Variants in DIP2B observed in about 807,000 individuals in gnomAD.
DIP2B encodes disco-interacting protein 2 homolog B.
DIP2B carries 76 observed loss-of-function variants against 198.0 expected under a neutral mutation model. That is an observed-to-expected ratio of 0.38 (90% confidence interval 0.32 to 0.46). The LOEUF (loss-of-function observed/expected upper bound fraction) is 0.46. Among genes scored for constraint, DIP2B ranks in the 20% least tolerant of loss-of-function variants. DIP2B has a pLI of 0.99. For synonymous variants in DIP2B, 701 were observed against 739.1 expected, an observed-to-expected ratio of 0.95 and a Z score of 0.84; for missense variants, 1,559 against 1,978.4, an observed-to-expected ratio of 0.79 and a Z score of 4.02.
At chr12:50,667,609 T>G (rs1938778506) in intron 4 of DIP2B, among the ~76,000 whole-genome samples, 1 of 152,212 alleles carries the variant, frequency 6.6e-6, no homozygotes, top group Non-Finnish European at 1.5e-5. Flanking sequence ...GTTTCTTATC[T>G]GTGACCATAG....
At chr12:50,666,685 T>C (rs1592117971) in intron 4 of DIP2B, among the ~76,000 whole-genome samples, 1 of 152,094 alleles carries the variant, frequency 6.6e-6, no homozygotes, top group East Asian at 1.9e-4. Flanking sequence ...GGGACTTGCA[T>C]CTTTAGCAGT....
intron 26 of DIP2B, among the ~76,000 whole-genome samples, chr12:50,722,390 A>G (rs1264512213): frequency 1.3e-5 from 2 of 151,562 alleles, no homozygotes; most frequent in African/African-American, 2.4e-5. Context: ...GGTAGCTGGG[A>G]TCACAGGCAC....
intron 4 of DIP2B, among the ~76,000 whole-genome samples, chr12:50,663,512 C>T (rs1265833786): frequency 6.6e-6 from 1 of 151,450 alleles, no homozygotes; most frequent in Non-Finnish European, 1.5e-5. Flanking sequence ...GCCGAGACCG[C>T]GCCACTGCAT....
chr12:50,636,672 A>G (rs1938165024), intron 2 of DIP2B, among the ~76,000 whole-genome samples: 2 of 152,206 alleles, frequency 1.3e-5, no homozygotes, highest in South Asian at 4.1e-4. Context: ...GTGACCAGCC[A>G]GTAATGCTGA....
chr12:50,641,437 A>T (rs1938255413), intron 3 of DIP2B, among the ~76,000 whole-genome samples: 1 of 152,350 alleles, frequency 6.6e-6, no homozygotes, highest in Middle Eastern at 3.4e-3. Context: ...CACAAAGGCC[A>T]TGTGAATAAA....
chr12:50,674,588 A>C lies in DIP2B; in HGVS notation c.755A>C (p.His252Pro), dbSNP rs765226242. The C allele has an allele frequency of 1.9e-6, 3 of 1,614,230 alleles. No individual in the cohort carries two copies. The Admixed American group carries it at 5.0e-5, about 27-fold the overall frequency. ...CCCTCGGGGATAGTTAAAGGCATGC[A>C]CAAAGGATCCAACAGGTCCAGCCTT... is the stretch of plus-strand genomic sequence containing the variant. ...LPPSGIVKGM[H>P]KGSNRSSLMD... is the part of the protein sequence containing the mutation. The change falls in exon 6 of 38, where the codon CAC (histidine) becomes CCC (proline). Residue 252 changes from histidine to proline, a missense_variant. Coordinates refer to ENST00000301180, the MANE Select transcript of DIP2B (RefSeq NM_173602.3).
intron 1 of DIP2B, among the ~76,000 whole-genome samples, chr12:50,584,578 C>A (rs1397250128): frequency 1.3e-5 from 2 of 152,052 alleles, no homozygotes; most frequent in East Asian, 1.9e-4. Flanking sequence ...TTTTATATTT[C>A]TTGGAGACAG....
intron 4 of DIP2B, among the ~76,000 whole-genome samples, chr12:50,667,634 AGT>A (rs1938779441): frequency 1.3e-5 from 2 of 152,192 alleles, no homozygotes; most frequent in Admixed American, 1.3e-4. Flanking sequence ...AGTTATTCAT[AGT>A]AAGCACCTCA....
chr12:50,519,448 A>G (rs921027557), intron 1 of DIP2B, among the ~76,000 whole-genome samples: 3 of 152,144 alleles, frequency 2.0e-5, no homozygotes, highest in Non-Finnish European at 4.4e-5. Flanking sequence ...GCATCTATAA[A>G]GTGAAAGGTA....
At chr12:50,674,330 A>G in intron 5 of DIP2B, 144 bp from the exon 6 acceptor site, 5 of 829,666 alleles carry the variant, frequency 6.0e-6, no homozygotes, top group East Asian at 2.7e-5. Flanking sequence ...TTGCTAATAG[A>G]TTCTGATTTT....
intron 23 of DIP2B, 120 bp downstream of exon 23, chr12:50,714,716 G>A: frequency 1.7e-6 from 2 of 1,191,426 alleles, no homozygotes; most frequent in East Asian, 2.5e-5. Flanking sequence ...AAGGTGGGAG[G>A]GTCGTGTGAG....
At chr12:50,562,073 A>G (rs981867632) in intron 1 of DIP2B, among the ~76,000 whole-genome samples, 1 of 152,214 alleles carries the variant, frequency 6.6e-6, no homozygotes, top group African/African-American at 2.4e-5. Context: ...TATCATTCAG[A>G]TATTTGAAAT....
At chr12:50,582,842 AT>A (rs1958737695) in intron 1 of DIP2B, among the ~76,000 whole-genome samples, 1 of 151,988 alleles carries the variant, frequency 6.6e-6, no homozygotes, top group South Asian at 2.1e-4. Context: ...TGGTATGCAC[AT>A]TTTTTTCTTT....
At chr12:50,610,562 G>T (rs1328183653) in intron 1 of DIP2B, among the ~76,000 whole-genome samples, 1 of 151,368 alleles carries the variant, frequency 6.6e-6, no homozygotes, top group African/African-American at 2.4e-5. Flanking sequence ...CTAGAGTGCA[G>T]TGGCGCCATC....
chr12:50,569,090 T>TC (rs1958591859), intron 1 of DIP2B, among the ~76,000 whole-genome samples: 1 of 150,940 alleles, frequency 6.6e-6, no homozygotes, highest in Non-Finnish European at 1.5e-5. Flanking sequence ...ATTTCTTTTG[T>TC]CTTTTTTTTT....
chr12:50,696,809 T>C (rs2139555829), intron 16 of DIP2B, among the ~76,000 whole-genome samples: 1 of 152,356 alleles, frequency 6.6e-6, no homozygotes, highest in African/African-American at 2.4e-5. Context: ...GTCAGTTTAA[T>C]AGGAGCAGCC....
At chr12:50,568,934 A>G (rs961060414) in intron 1 of DIP2B, among the ~76,000 whole-genome samples, 1 of 152,116 alleles carries the variant, frequency 6.6e-6, no homozygotes, top group Non-Finnish European at 1.5e-5. Context: ...TTTGTTTTCA[A>G]GTGCTTTATT....
In DIP2B at chr12:50,676,871, A is replaced by T. The variant is rs116600511; in HGVS notation, c.916+1423A>T. 7.1e-3 allele frequency among the ~76,000 whole-genome samples: 1,078 copies of T among 152,254 alleles called. 16 individuals are homozygous for T. The highest frequency in any genetic ancestry group is 0.025 in the African/African-American group (1,040 of 41,552). On this transcript the variant is annotated intron_variant, in intron 7 of 37. Transcript: ENST00000301180. ...ACACCCATGTTTATTTTTTTTAGTT[A>T]ATCTGGTGGTTTAGCGTCTGGGAAT... is the stretch of plus-strand genomic sequence containing the variant.
intron 1 of DIP2B, among the ~76,000 whole-genome samples, chr12:50,537,166 T>G (rs945862016): frequency 7.9e-6 from 1 of 126,738 alleles, no homozygotes; most frequent in African/African-American, 2.8e-5. Flanking sequence ...TCACTTTGTT[T>G]CCCAGGCTGG....
Sources: gnomAD v4.1 joint callset for allele counts (sites outside exome capture counted in the v4.1 genomes callset) on GRCh38, gnomAD v4.1.1 for gene constraint, MANE v1.5 for transcripts, NCBI Gene and HGNC (gene_info 2026-07-23, HGNC 2026-07-21) for gene names.